The following ERLIN1 variants were observed in gnomAD, a reference collection of about 807,000 sequenced individuals.
ERLIN1 encodes the protein erlin-1.
Under a neutral mutation model 46.9 loss-of-function variants are expected in ERLIN1, and 24 were observed. The ratio of observed to expected loss-of-function variants is 0.51; its 90% CI spans 0.37 to 0.72. The LOEUF is 0.72. Among genes scored for constraint, ERLIN1 ranks in the 30% least tolerant of loss-of-function variants. The probability of loss-of-function intolerance (pLI) is 0.00; values close to 1 mark genes in which losing one functional copy is unlikely to be tolerated. For synonymous variants in ERLIN1, 158 were observed against 143.2 expected (o/e 1.10, Z -0.74); for missense variants, 293 against 417.9 (o/e 0.70, Z 2.61).
chr10:100,181,497 CTCTCT>C (rs1434508962), intron 2 of ERLIN1, among the ~76,000 whole-genome samples: 1 of 150,480 alleles, frequency 6.6e-6, no homozygotes, highest in African/African-American at 2.5e-5. Flanking sequence ...TTATGTCTTA[CTCTCT>C]TAAGAACACT....
At chr10:100,154,223 G>A (rs1413346847) in intron 10 of ERLIN1, among the ~76,000 whole-genome samples, 2 of 152,132 alleles carry the variant, frequency 1.3e-5, no homozygotes, top group African/African-American at 2.4e-5. Flanking sequence ...GCTTACCCCA[G>A]TCCTTACACC....
intron 7 of ERLIN1, among the ~76,000 whole-genome samples, chr10:100,165,393 T>G (rs1180831894): frequency 1.3e-5 from 2 of 150,640 alleles, no homozygotes; most frequent in African/African-American, 4.9e-5. Flanking sequence ...ATCTTTTTTT[T>G]TTTTTTTTTT....
intron 7 of ERLIN1, 106 bp from the exon 8 acceptor site, chr10:100,164,201 G>T: frequency 1.5e-6 from 1 of 673,958 alleles, no homozygotes; most frequent in Non-Finnish European, 2.5e-6. Context: ...GTCAACATGA[G>T]CTTTTGGACC....
chr10:100,185,464 TA>T, intron 1 of ERLIN1, 49 bp downstream of exon 1: 1 of 1,377,470 alleles, frequency 7.3e-7, no homozygotes, highest in South Asian at 1.2e-5. Flanking sequence ...CACTCTGGAG[TA>T]CCCTTTTAAT....
intron 1 of ERLIN1, among the ~76,000 whole-genome samples, chr10:100,184,281 G>T (rs1844832931): frequency 6.6e-6 from 1 of 152,010 alleles, no homozygotes; most frequent in Non-Finnish European, 1.5e-5. Context: ...AATTTCTGAG[G>T]CTTATAATTC....
chr10:100,156,371 G>A, intron 8 of ERLIN1, 137 bp from the exon 9 acceptor site: 1 of 621,978 alleles, frequency 1.6e-6, no homozygotes, highest in Non-Finnish European at 2.9e-6. Flanking sequence ...GTTTTATCTA[G>A]TCAGACTGTA....
intron 1 of ERLIN1, among the ~76,000 whole-genome samples, chr10:100,184,485 G>A (rs1254813107): frequency 6.6e-6 from 1 of 152,168 alleles, no homozygotes; most frequent in African/African-American, 2.4e-5. Context: ...CATTTGGGGA[G>A]CAAAGAAAAC....
intron 2 of ERLIN1, among the ~76,000 whole-genome samples, chr10:100,180,536 G>A (rs1288112979): frequency 6.6e-6 from 1 of 152,222 alleles, no homozygotes; most frequent in Non-Finnish European, 1.5e-5. Context: ...AAGAACAGAT[G>A]AGGCAGAGGA....
chr10:100,179,892 G>A (rs890816173), intron 2 of ERLIN1, among the ~76,000 whole-genome samples: 3 of 152,176 alleles, frequency 2.0e-5, no homozygotes, highest in Non-Finnish European at 2.9e-5. Context: ...TGCTCACATA[G>A]ATACTCTGGC....
chr10:100,156,199 A>G lies in ERLIN1; in HGVS notation c.691T>C (p.Phe231Leu). The G allele has an allele frequency of 6.2e-7, 1 of 1,613,362 alleles. No individual in the cohort carries two copies. The highest frequency in any genetic ancestry group is 8.5e-7 in the Non-Finnish European group (1 of 1,179,458). The change falls in exon 9 of 11, where the codon TTT becomes CTT. Residue 231 changes from phenylalanine to leucine, a missense_variant. Phe to Leu is a conservative substitution (Grantham distance 22). This residue lies in a region of ERLIN1 where 148 missense variants were observed against 266.5 expected (regional missense o/e 0.56). Coordinates refer to ENST00000421367, the MANE Select transcript of ERLIN1 (RefSeq NM_006459.4). ...EKIAQVAKIR[F>L]QQKVMEKETE... ...TCTTTTTCCATCACTTTCTGCTGAA[A>G]CCGAATTTTTGCCACTTGTGCAATC...
intron 8 of ERLIN1, 50 bp downstream of exon 8, chr10:100,163,954 A>C (rs754913584): frequency 8.0e-7 from 1 of 1,242,644 alleles, no homozygotes; most frequent in Non-Finnish European, 1.2e-6. Flanking sequence ...GACAAAGAAC[A>C]GGACAAACAA....
intron 7 of ERLIN1, among the ~76,000 whole-genome samples, chr10:100,167,129 G>A (rs1843688840): frequency 6.6e-6 from 1 of 152,146 alleles, no homozygotes; most frequent in Non-Finnish European, 1.5e-5. Flanking sequence ...TTTAGCCACT[G>A]AAACTGCTCC....
chr10:100,184,409 G>A (rs1052551432), intron 1 of ERLIN1, among the ~76,000 whole-genome samples: 1 of 152,124 alleles, frequency 6.6e-6, no homozygotes, highest in Admixed American at 6.5e-5. Context: ...TAGCATAAGG[G>A]CTTGTTAACC....
chr10:100,185,060 T>G (rs926681545), intron 1 of ERLIN1, among the ~76,000 whole-genome samples: 1 of 150,944 alleles, frequency 6.6e-6, no homozygotes, highest in African/African-American at 2.4e-5. Flanking sequence ...TCCAGGGACA[T>G]AAGCACCATC....
chr10:100,156,259 C>A, intron 8 of ERLIN1, 25 bp from the exon 9 acceptor site: 1 of 1,517,776 alleles, frequency 6.6e-7, no homozygotes, highest in Non-Finnish European at 9.1e-7. Context: ...CATAAGAAGA[C>A]ACATTCAAAA....
intron 8 of ERLIN1, among the ~76,000 whole-genome samples, chr10:100,160,152 T>C (rs1004686835): frequency 1.6e-4 from 25 of 152,044 alleles, no homozygotes; most frequent in African/African-American, 5.8e-4. Flanking sequence ...AATGAACAAT[T>C]TTCTATGAAA....
intron 2 of ERLIN1, among the ~76,000 whole-genome samples, chr10:100,181,809 C>T (rs1466373116): frequency 2.0e-5 from 3 of 151,966 alleles, no homozygotes; most frequent in South Asian, 2.1e-4. Context: ...CCGCCACGCC[C>T]GGCCAAGAAC....
chr10:100,163,453 T>C (rs1012054858), intron 8 of ERLIN1, among the ~76,000 whole-genome samples: 1 of 151,882 alleles, frequency 6.6e-6, no homozygotes, highest in African/African-American at 2.4e-5. Context: ...TGTACATTCC[T>C]CTATAATTGA....
intron 8 of ERLIN1, among the ~76,000 whole-genome samples, chr10:100,160,245 AACT>A: frequency 1.3e-5 from 2 of 152,296 alleles, no homozygotes; most frequent in South Asian, 4.1e-4. Context: ...TCAATAGATT[AACT>A]GTTACCACAA....
Sources: gnomAD v4.1 joint callset for allele counts (sites outside exome capture counted in the v4.1 genomes callset) on GRCh38, gnomAD v4.1.1 for gene constraint, gnomAD v4.1.1 regional missense constraint, MANE v1.5 for transcripts, NCBI Gene and HGNC (gene_info 2026-07-23, HGNC 2026-07-21) for gene names.